The following RGS5 variants were observed in gnomAD, a reference collection of about 807,000 sequenced individuals.
RGS5 encodes regulator of G-protein signalling 5.
A neutral mutation model predicts 18.9 loss-of-function variants in RGS5; 20 were observed. The observed-to-expected ratio is 1.06, with a 90% CI of 0.74 to 1.54. The LOEUF is 1.54. Among genes scored for constraint, RGS5 ranks in the 40% most tolerant of loss-of-function variants. The pLI, the probability that RGS5 is intolerant of heterozygous loss-of-function variation, is 0.00. For missense variants in RGS5, 201 were observed against 211.8 expected (o/e 0.95, Z 0.32); for synonymous variants, 57 against 76.2 (o/e 0.75, Z 1.31).
At chr1:163,230,157 T>A (rs1281568999) in intron 2 of RGS5, among the ~76,000 whole-genome samples, 1 of 152,172 alleles carries the variant, frequency 6.6e-6, no homozygotes, top group Non-Finnish European at 1.5e-5. Flanking sequence ...AGAGAGGAGA[T>A]GTTTATAATT....
chr1:163,157,777 G>T (rs930576717), intron 3 of RGS5, among the ~76,000 whole-genome samples: 1 of 152,166 alleles, frequency 6.6e-6, no homozygotes, highest in African/African-American at 2.4e-5. Flanking sequence ...GCCCAGGCTA[G>T]AGAGCAGTGG....
At chr1:163,298,725 A>G (rs1310889059) in intron 2 of RGS5, among the ~76,000 whole-genome samples, 1 of 152,068 alleles carries the variant, frequency 6.6e-6, no homozygotes, top group Non-Finnish European at 1.5e-5. Context: ...GAGGATACCT[A>G]TGACAATTGT....
At chr1:163,149,440 A>AT (rs1657289330) in intron 4 of RGS5, among the ~76,000 whole-genome samples, 1 of 152,172 alleles carries the variant, frequency 6.6e-6, no homozygotes, top group African/African-American at 2.4e-5. Flanking sequence ...TCCTAATCTT[A>AT]TTTTTTAAAG....
intron 2 of RGS5, among the ~76,000 whole-genome samples, chr1:163,230,739 A>T (rs1647458873): frequency 6.6e-6 from 1 of 152,248 alleles, no homozygotes; most frequent in Admixed American, 6.5e-5. Context: ...AACCTTCAGG[A>T]ACTCACAGCA....
intron 2 of RGS5, among the ~76,000 whole-genome samples, chr1:163,242,158 C>G (rs368272427): frequency 3.3e-5 from 5 of 152,094 alleles, no homozygotes; most frequent in East Asian, 3.9e-4. Context: ...AAAGTTTTGA[C>G]GTAAACATCT....
intron 1 of RGS5, among the ~76,000 whole-genome samples, chr1:163,214,918 T>C (rs1660182904): frequency 6.6e-6 from 1 of 152,194 alleles, no homozygotes. Flanking sequence ...TCATTGTAGG[T>C]GAAGTTGAAA....
rs556735939 is a variant in RGS5, at chr1:163,169,111, T to C, written c.45-743A>G. Among the ~76,000 whole-genome samples, 129 of 151,642 alleles carry C rather than the reference T, an allele frequency of 8.5e-4. 2 individuals carry two copies. The highest frequency in any genetic ancestry group is 3.0e-3 in the African/African-American group (124 of 41,326). On this transcript the variant is annotated intron_variant, in intron 1 of 4. Transcript: ENST00000313961. The stretch of plus-strand genomic sequence containing the variant: ...CCCACCTATGAGTGAGAACATGTGC[T>C]GTTTGGTTTTTTGTCCTTGCAATAG...
chr1:163,194,164 T>C (rs1269187527), intron 1 of RGS5, among the ~76,000 whole-genome samples: 1 of 152,156 alleles, frequency 6.6e-6, no homozygotes, highest in Non-Finnish European at 1.5e-5. Context: ...AGAATCACTT[T>C]CCACTGCATA....
At chr1:163,251,012 A>C (rs985135205) in intron 2 of RGS5, among the ~76,000 whole-genome samples, 2 of 152,250 alleles carry the variant, frequency 1.3e-5, no homozygotes, top group Non-Finnish European at 2.9e-5. Context: ...AGCACTGTGC[A>C]AAGAACTGGA....
chr1:163,321,109 A>G (rs192065590), intron 1 of RGS5, among the ~76,000 whole-genome samples: 50 of 152,282 alleles, frequency 3.3e-4, no homozygotes, highest in African/African-American at 1.1e-3. Flanking sequence ...ACAAAATACC[A>G]TGTAAAAAAA....
At chr1:163,152,916 G>A (rs1657431813) in intron 3 of RGS5, among the ~76,000 whole-genome samples, 200 bp from the exon 4 acceptor site, 1 of 152,048 alleles carries the variant, frequency 6.6e-6, no homozygotes. Flanking sequence ...AGAGAACACA[G>A]AGCTCAAGCC....
chr1:163,154,581 G>GA lies in RGS5; in HGVS notation c.218-1866dup, dbSNP rs201183727. Among the ~76,000 whole-genome samples the GA allele has an allele frequency of 4.6e-4, 68 of 149,086 alleles. 1 individual carries two copies. Among genetic ancestry groups the GA allele is most frequent in the Admixed American group, 8.7e-4 (13 of 14,922 alleles). The stretch of plus-strand genomic sequence containing the variant: ...GAAAAGAAGGGAAAAGGAAAACAAG[G>GA]AAAAAAAAACCAATTTTTTCTAGAA... On this transcript the variant is annotated intron_variant, in intron 3 of 4. Coordinates refer to ENST00000313961, the MANE Select transcript of RGS5 (RefSeq NM_003617.4).
At chr1:163,310,574 C>CAA (rs36115669) in intron 1 of RGS5, among the ~76,000 whole-genome samples, 16 of 63,474 alleles carry the variant, frequency 2.5e-4, no homozygotes, top group East Asian at 5.5e-4. Flanking sequence ...GACTCCGTCT[C>CAA]AAAAAAAAAA....
rs991853237 is a variant in RGS5, at chr1:163,144,310, T to A, written c.*3032A>T. ...ACAAATAAACATGGAACATACGTCC[T>A]TAATTAACTGTGGAGTTAATAGTCT... On this transcript the variant is annotated 3_prime_UTR_variant, in exon 5 of 5. Coordinates refer to ENST00000313961, the MANE Select transcript of RGS5 (RefSeq NM_003617.4). 3 of 152,176 alleles carry A rather than the reference T, an allele frequency of 2.0e-5. No homozygotes were observed. Among genetic ancestry groups the A allele is most frequent in the Admixed American group, 2.0e-4 (3 of 15,276 alleles). 9.4% of individuals were successfully genotyped at this position (152,176 alleles called of 1,614,324 possible). A position where few individuals can be genotyped will look rare whatever the true frequency, so the allele number is the denominator to read the frequency against.
chr1:163,198,813 T>C (rs1421795269), intron 1 of RGS5, among the ~76,000 whole-genome samples: 1 of 152,012 alleles, frequency 6.6e-6, no homozygotes, highest in East Asian at 1.9e-4. Flanking sequence ...GTGGTGTTTT[T>C]ATTTATTTAT....
intron 2 of RGS5, among the ~76,000 whole-genome samples, chr1:163,296,842 A>G (rs1308655299): frequency 6.6e-6 from 1 of 152,144 alleles, no homozygotes; most frequent in African/African-American, 2.4e-5. Flanking sequence ...TCTTTGACAT[A>G]TTATTTTGAA....
intron 1 of RGS5, among the ~76,000 whole-genome samples, chr1:163,313,685 AC>A (rs1649935138): frequency 6.6e-6 from 1 of 152,144 alleles, no homozygotes; most frequent in African/African-American, 2.4e-5. Flanking sequence ...GAACTGAGGA[AC>A]CCTTCATAGG....
intron 2 of RGS5, among the ~76,000 whole-genome samples, chr1:163,243,168 A>C (rs1343301562): frequency 6.6e-6 from 1 of 152,138 alleles, no homozygotes; most frequent in Non-Finnish European, 1.5e-5. Flanking sequence ...GGAAACCATC[A>C]TCCTCAGCAA....
chr1:163,192,783 T>C (rs141021966), intron 1 of RGS5, among the ~76,000 whole-genome samples: 107 of 152,316 alleles, frequency 7.0e-4, no homozygotes, highest in Middle Eastern at 3.4e-3. Flanking sequence ...GACCACCAGA[T>C]CCTCTGGGAA....
Sources: gnomAD v4.1 joint callset for allele counts (sites outside exome capture counted in the v4.1 genomes callset) on GRCh38, gnomAD v4.1.1 for gene constraint, MANE v1.5 for transcripts, NCBI Gene and HGNC (gene_info 2026-07-23, HGNC 2026-07-21) for gene names.